PSG9: variants seen among roughly 807,000 people sequenced by gnomAD.
PSG9 encodes pregnancy specific beta-1-glycoprotein 9.
PSG9 carries 49 observed loss-of-function variants against 41.9 expected under a neutral mutation model. That is an observed-to-expected ratio of 1.17 (90% CI 0.93 to 1.48). PSG9 has a LOEUF of 1.48. Among genes scored for constraint, PSG9 ranks in the 40% most tolerant of loss-of-function variants. PSG9 has a pLI of 0.00. For synonymous variants in PSG9, 263 were observed against 196.8 expected, an observed-to-expected ratio of 1.34 and a Z score of -2.82; for missense variants, 641 against 520.3, an observed-to-expected ratio of 1.23 and a Z score of -2.26.
rs889905563 is a variant in PSG9 at position 43,268,512 on chromosome 19, G to T, written c.65-363C>A. Among the ~76,000 whole-genome samples, 31 of 151,854 alleles carry T rather than the reference G, an allele frequency of 2.0e-4. 1 individual carries two copies. Among genetic ancestry groups the T allele is most frequent in the African/African-American group, 7.3e-4 (30 of 41,252 alleles). ...CTTCTTTCCTGACACCTCCTTCAGA[G>T]ACCCTGGGTCTTCCCTTTCTGACCT... On this transcript the variant is annotated intron_variant, in intron 1 of 5. Transcript: ENST00000270077.
At chr19:43,268,962 G>C (rs1969116315) in intron 1 of PSG9, among the ~76,000 whole-genome samples, 1 of 151,972 alleles carries the variant, frequency 6.6e-6, no homozygotes, top group African/African-American at 2.4e-5. Context: ...GTCCCTCTCT[G>C]GTGTATTTTC....
chr19:43,263,824 G>C (rs571746321), intron 2 of PSG9, among the ~76,000 whole-genome samples: 2 of 152,058 alleles, frequency 1.3e-5, no homozygotes, highest in South Asian at 2.1e-4. Flanking sequence ...TAAAAGGACC[G>C]AACTGGTCAG....
At chr19:43,269,277 C>G (rs1969134482) in intron 1 of PSG9, 91 bp downstream of exon 1, 4 of 1,599,022 alleles carry the variant, frequency 2.5e-6, no homozygotes, top group Non-Finnish European at 1.7e-6. Flanking sequence ...GAGCTGGCTT[C>G]TTTTATTTTA....
intron 5 of PSG9, chr19:43,257,075 A>G (rs1305113604): frequency 6.8e-6 from 1 of 147,398 alleles, no homozygotes; most frequent in Non-Finnish European, 1.5e-5. Context: ...TGAAGATATT[A>G]TGCTAACTGA....
At chr19:43,256,384 A>T (rs1326147454) in intron 5 of PSG9, among the ~76,000 whole-genome samples, 1 of 147,072 alleles carries the variant, frequency 6.8e-6, no homozygotes, top group Non-Finnish European at 1.5e-5. Flanking sequence ...GAAGAACATT[A>T]TCAAGAAAGT....
rs748251485 is a variant in PSG9 at position 43,258,828 on chromosome 19, T to A, written c.988+29A>T. 7.6e-5 allele frequency: 120 copies of A among 1,583,714 alleles called. 6 individuals are homozygous for A. The highest frequency in any genetic ancestry group is 1.0e-4 in the Non-Finnish European group (118 of 1,170,618). On this transcript the variant is annotated intron_variant, in intron 4 of 5. Coordinates refer to ENST00000270077, the MANE Select transcript of PSG9 (RefSeq NM_002784.5). ...GTCGTTTGGACTTAAGCTGGTGTCC[T>A]GGCCCACAGAGGAACAAAAGATACT...
Position 43,261,099 on chromosome 19 carries a change from G to T in PSG9, c.709+761C>A, listed in dbSNP as rs116196635. Among the ~76,000 whole-genome samples, 937 of 152,156 alleles carry T rather than the reference G, an allele frequency of 6.2e-3. 11 individuals are homozygous for T. Among genetic ancestry groups the T allele is most frequent in the African/African-American group, 0.021 (863 of 41,516 alleles). On this transcript the variant is annotated intron_variant, in intron 3 of 5. Coordinates refer to ENST00000270077, the MANE Select transcript of PSG9 (RefSeq NM_002784.5). Reference sequence around the variant, plus strand: ...GGAGCAGAAACATATTCCCTATCCAGGGTTTTTTATTTTCCCTCTCCCTTT... The same window carrying T: ...GGAGCAGAAACATATTCCCTATCCATGGTTTTTTATTTTCCCTCTCCCTTT...
In PSG9 at chr19:43,269,418, G is replaced by A. The variant is rs1292970111; in HGVS notation, c.14C>T (p.Pro5Leu). 1.2e-6 allele frequency: 2 copies of A among 1,613,668 alleles called. No homozygotes were observed. Among genetic ancestry groups the A allele is most frequent in the Admixed American group, 3.3e-5 (2 of 59,988 alleles). Residue 5 changes from proline to leucine, a missense_variant, in exon 1 of 6, where the codon CCA (proline) becomes CTA (leucine). Transcript: ENST00000270077. ...GATGCGCTGTGTGCAGGAAGGGGCT[G>A]GGAGGGGCCCCATGGTCTCTGCTGC... MGPL[P>L]APSCTQRITW...
chr19:43,261,819 G>T (rs761290987), intron 3 of PSG9, 41 bp downstream of exon 3: 1 of 1,613,902 alleles, frequency 6.2e-7, no homozygotes, highest in Non-Finnish European at 8.5e-7. Flanking sequence ...ATGTGTATTT[G>T]GGATGGCAGC....
intron 3 of PSG9, 109 bp from the exon 4 acceptor site, chr19:43,259,244 T>A: frequency 6.8e-7 from 1 of 1,476,528 alleles, no homozygotes; most frequent in Non-Finnish European, 9.0e-7. Context: ...CCCGAGTCCT[T>A]GAAAGCCAAT....
At chr19:43,255,763 A>C (rs1388169846) in intron 5 of PSG9, among the ~76,000 whole-genome samples, 2 of 146,960 alleles carry the variant, frequency 1.4e-5, no homozygotes, top group Non-Finnish European at 3.0e-5. Flanking sequence ...TATTAACATC[A>C]AAAAGAATAA....
chr19:43,264,959 G>T (rs1418515579), intron 2 of PSG9, among the ~76,000 whole-genome samples: 1 of 152,118 alleles, frequency 6.6e-6, no homozygotes, highest in Non-Finnish European at 1.5e-5. Context: ...GTGCTTTGGG[G>T]ACTGCAGGCC....
intron 3 of PSG9, among the ~76,000 whole-genome samples, chr19:43,261,402 G>A (rs919649768): frequency 6.6e-6 from 1 of 152,148 alleles, no homozygotes; most frequent in Non-Finnish European, 1.5e-5. Flanking sequence ...AGAGATTGGG[G>A]AATTCCCCTG....
chr19:43,262,267 G>T, intron 2 of PSG9, 129 bp from the exon 3 acceptor site: 2 of 1,496,196 alleles, frequency 1.3e-6, no homozygotes, highest in Non-Finnish European at 1.8e-6. Flanking sequence ...TGGCAGGTGT[G>T]TGTGTTACAA....
intron 5 of PSG9, among the ~76,000 whole-genome samples, chr19:43,255,087 G>A (rs2122495218): frequency 7.6e-6 from 1 of 131,584 alleles, no homozygotes; most frequent in Admixed American, 7.7e-5. Flanking sequence ...CAGAGTGAGA[G>A]CCTGTCTCTC....
Position 43,259,113 on chromosome 19 carries a change from G to A in PSG9, c.732C>T (p.Ile244=), listed in dbSNP as rs1376014026. The A allele has an allele frequency of 6.3e-7, 1 of 1,590,620 alleles. No individual in the cohort carries two copies. Among genetic ancestry groups the A allele is most frequent in the Non-Finnish European group, 8.5e-7 (1 of 1,174,336 alleles). The stretch of plus-strand genomic sequence containing the variant: ...CCCTGGGGTTTAAGTTGTTGATGGT[G>A]ATGTAGGGGATGGGCAGCTTCGCTG... ...NLLPKLPIPY[I]TINNLNPREN... Residue 244 remains isoleucine, a synonymous_variant, in exon 4 of 6, where the codon ATC becomes ATT. Transcript: ENST00000270077.
intron 2 of PSG9, 81 bp downstream of exon 2, chr19:43,267,703 T>A: frequency 6.3e-7 from 1 of 1,589,558 alleles, no homozygotes. Context: ...ACAGGCAGAG[T>A]CCAGGCCTGA....
Position 43,253,646 on chromosome 19 carries a change from C to G in PSG9, c.1244G>C (p.Gly415Ala), listed in dbSNP as rs144655940. Residue 415 changes from glycine (G) to alanine (A), a missense_variant and splice_region_variant, in exon 6 of 6, where the codon GGT becomes GCT. By Grantham distance (60) the Gly-to-Ala change is moderately conservative (BLOSUM62 0). Coordinates refer to ENST00000270077, the MANE Select transcript of PSG9 (RefSeq NM_002784.5). Reference sequence around the variant, plus strand: ...CTCTGTCAGGTCTCCATGGCAGGGACCTGATTGACAGAAGGCCCAGGTCAG... The same window carrying G: ...CTCTGTCAGGTCTCCATGGCAGGGAGCTGATTGACAGAAGGCCCAGGTCAG... ...ISKSMTVKVS[G>A]PCHGDLTESQ... The G allele has an allele frequency of 8.4e-7, 1 of 1,190,304 alleles. No individual in the cohort carries two copies. Among genetic ancestry groups the G allele is most frequent in the Non-Finnish European group, 1.2e-6 (1 of 819,634 alleles). 73.7% of individuals were successfully genotyped at this position (1,190,304 alleles called of 1,614,324 possible). A position where few individuals can be genotyped will look rare whatever the true frequency, so the allele number is the denominator to read the frequency against.
At position 43,262,861 on chromosome 19, in the gene PSG9, A is replaced by T. The variant is rs1161663864; in HGVS notation, c.431-723T>A. ...TAGCTGATAGCTTTCGACCAAGACCATGTTCCCTGTTCTGGGTCCATGATG... is the reference window on the plus strand; with the variant it reads ...TAGCTGATAGCTTTCGACCAAGACCTTGTTCCCTGTTCTGGGTCCATGATG... On this transcript the variant is annotated intron_variant, in intron 2 of 5. Transcript: ENST00000270077. Among the ~76,000 whole-genome samples the T allele has an allele frequency of 3.9e-5, 6 of 152,290 alleles. No individual in the cohort carries two copies. In the East Asian group the frequency reaches 7.7e-4, roughly 20 times the overall value.
Sources: gnomAD v4.1 joint callset for allele counts (sites outside exome capture counted in the v4.1 genomes callset) on GRCh38, gnomAD v4.1.1 for gene constraint, MANE v1.5 for transcripts, NCBI Gene and HGNC (gene_info 2026-07-23, HGNC 2026-07-21) for gene names.